Variants in RAD51B observed in about 807,000 individuals in gnomAD.
RAD51B encodes the protein RAD51 paralog B, also known as DNA repair protein RAD51 homolog 2.
RAD51B carries 38 observed loss-of-function variants against 42.2 expected under a neutral mutation model. The ratio of observed to expected loss-of-function variants is 0.90; its 90% CI spans 0.70 to 1.18. RAD51B has a LOEUF of 1.18. Among genes scored for constraint, RAD51B ranks in the 50% most tolerant of loss-of-function variants. The pLI, the probability that RAD51B is intolerant of heterozygous loss-of-function variation, is 0.00. For missense variants in RAD51B, 373 were observed against 400.7 expected, an observed-to-expected ratio of 0.93 and a Z score of 0.59; for synonymous variants, 154 against 145.2, an observed-to-expected ratio of 1.06 and a Z score of -0.43.
chr14:67,849,744 A>T (rs2041741620), intron 4 of RAD51B, among the ~76,000 whole-genome samples: 4 of 152,132 alleles, frequency 2.6e-5, no homozygotes, highest in Admixed American at 2.6e-4. Context: ...TTCCTTTTTA[A>T]GATGTTTATC....
chr14:67,977,392 T>C (rs1162773767), intron 7 of RAD51B, among the ~76,000 whole-genome samples: 4 of 152,230 alleles, frequency 2.6e-5, no homozygotes, highest in African/African-American at 9.6e-5. Context: ...TGAAGAAACA[T>C]TGCTGTATGA....
chr14:68,007,929 T>C (rs1371855584), intron 7 of RAD51B, among the ~76,000 whole-genome samples: 1 of 151,966 alleles, frequency 6.6e-6, no homozygotes, highest in Non-Finnish European at 1.5e-5. Flanking sequence ...CAAATTACAT[T>C]ACTGAAATAA....
At chr14:67,957,570 T>A (rs1410923684) in intron 7 of RAD51B, among the ~76,000 whole-genome samples, 1 of 152,170 alleles carries the variant, frequency 6.6e-6, no homozygotes, top group African/African-American at 2.4e-5. Flanking sequence ...GAGGAAGTTT[T>A]AGAGAAATAA....
intron 10 of RAD51B, among the ~76,000 whole-genome samples, chr14:68,504,680 T>TTTTTTTTTTTTTTTTTTTTC (rs58954673): frequency 7.4e-6 from 1 of 135,282 alleles, no homozygotes; most frequent in African/African-American, 2.7e-5. Flanking sequence ...TTTTTTTTTT[T>TTTTTTTTTTTTTTTTTTTTC]TTTTTTTGCT....
chr14:68,492,427 C>T (rs1884151336), intron 10 of RAD51B, among the ~76,000 whole-genome samples: 1 of 152,070 alleles, frequency 6.6e-6, no homozygotes, highest in Non-Finnish European at 1.5e-5. Flanking sequence ...TATTAATGAC[C>T]TGCAATAAAT....
intron 10 of RAD51B, among the ~76,000 whole-genome samples, chr14:68,501,721 G>A (rs557735147): frequency 7.9e-5 from 12 of 152,386 alleles, no homozygotes; most frequent in Admixed American, 5.9e-4. Context: ...CAGCTGGCCC[G>A]GTGCCCACTT....
intron 9 of RAD51B, among the ~76,000 whole-genome samples, chr14:68,417,441 A>T (rs1426986153): frequency 6.6e-6 from 1 of 152,232 alleles, no homozygotes; most frequent in Non-Finnish European, 1.5e-5. Context: ...AGAGCTGCTC[A>T]AGTGTGAAAT....
chr14:67,941,213 G>A (rs1452770816), intron 7 of RAD51B, among the ~76,000 whole-genome samples: 1 of 152,110 alleles, frequency 6.6e-6, no homozygotes, highest in African/African-American at 2.4e-5. Flanking sequence ...AAAATAACAC[G>A]GAGTTATGAT....
intron 10 of RAD51B, among the ~76,000 whole-genome samples, chr14:68,648,090 TGTGTATATATATATACACACAC>T (rs200583110): frequency 0.085 from 3,863 of 45,364 alleles, 330 homozygotes; most frequent in South Asian, 0.19. Flanking sequence ...TATATACGTG[TGTGTATATATATATACACACAC>T]GTATATATAT....
rs1356502036 is a variant in RAD51B at position 68,137,324 on chromosome 14, G to A, written c.757-154560G>A. On this transcript the variant is annotated intron_variant, in intron 7 of 10. Coordinates refer to ENST00000471583, the MANE Select transcript of RAD51B (RefSeq NM_133510.4). ...GCTGTGTGTAACTTTGGGGAAGGCT[G>A]CTACATTAGTTTCAGTTTCCTATTG... Among the ~76,000 whole-genome samples the A allele has an allele frequency of 2.0e-5, 3 of 152,114 alleles. No individual in the cohort carries two copies. The East Asian group carries it at 5.8e-4, about 29-fold the overall frequency.
chr14:68,532,096 C>A (rs1224772344), intron 10 of RAD51B, among the ~76,000 whole-genome samples: 1 of 152,148 alleles, frequency 6.6e-6, no homozygotes, highest in African/African-American at 2.4e-5. Context: ...AAGGTCTCAA[C>A]AAATTTGTAA....
Position 68,354,363 on chromosome 14 carries a change from C to T in RAD51B, c.854-57061C>T, listed in dbSNP as rs539256626. Among the ~76,000 whole-genome samples, 9 of 152,010 alleles carry T rather than the reference C, an allele frequency of 5.9e-5. No individual in the cohort carries two copies. In the East Asian group the frequency reaches 9.7e-4, roughly 16 times the overall value. On this transcript the variant is annotated intron_variant, in intron 8 of 10. Transcript: ENST00000471583. Reference sequence around the variant, plus strand: ...TCCAGAGTAGCTGGGACTACAGGCACACACCACCACGCCCAGCTAATTTTT... The same window carrying T: ...TCCAGAGTAGCTGGGACTACAGGCATACACCACCACGCCCAGCTAATTTTT...
chr14:68,050,953 C>T (rs1382880757), intron 7 of RAD51B, among the ~76,000 whole-genome samples: 2 of 150,856 alleles, frequency 1.3e-5, no homozygotes, highest in Non-Finnish European at 3.0e-5. Context: ...TATCCAACTC[C>T]AGGAGAAATA....
intron 7 of RAD51B, among the ~76,000 whole-genome samples, chr14:68,259,216 A>G (rs368356902): frequency 2.0e-5 from 3 of 147,644 alleles, no homozygotes; most frequent in East Asian, 2.1e-4. Flanking sequence ...AAAGCAAGGG[A>G]GGATGATTTA....
intron 7 of RAD51B, among the ~76,000 whole-genome samples, chr14:68,260,298 C>CGTGTGTGTGTGTGTGTGTGGGT (rs1555383058): frequency 1.0e-5 from 1 of 96,620 alleles, no homozygotes; most frequent in Non-Finnish European, 2.0e-5. Context: ...GCTGAGAGAC[C>CGTGTGTGTGTGTGTGTGTGGGT]GTGTGTGTGT....
intron 7 of RAD51B, among the ~76,000 whole-genome samples, chr14:68,276,988 A>G (rs1190388407): frequency 1.3e-5 from 2 of 152,224 alleles, no homozygotes; most frequent in African/African-American, 4.8e-5. Context: ...TACAAAGCTT[A>G]TGGAGTACTC....
At chr14:68,376,219 C>T (rs912519782) in intron 8 of RAD51B, among the ~76,000 whole-genome samples, 28 of 152,264 alleles carry the variant, frequency 1.8e-4, no homozygotes, top group Middle Eastern at 3.4e-3. Flanking sequence ...CATGCAGAGC[C>T]ACTTCAAACA....
chr14:67,948,745 C>T (rs892931494), intron 7 of RAD51B, among the ~76,000 whole-genome samples: 4 of 151,626 alleles, frequency 2.6e-5, no homozygotes, highest in Non-Finnish European at 4.4e-5. Flanking sequence ...TCCTGGCTAA[C>T]ATGGTGAAAC....
intron 9 of RAD51B, among the ~76,000 whole-genome samples, chr14:68,458,035 GTAGT>G (rs748457275): frequency 9.2e-4 from 138 of 150,746 alleles, no homozygotes; most frequent in Non-Finnish European, 1.7e-3. Flanking sequence ...GCATGCTAAA[GTAGT>G]TAGAGAAAAG....
Sources: allele counts gnomAD v4.1 joint callset (sites outside exome capture counted in the v4.1 genomes callset), GRCh38; gene constraint gnomAD v4.1.1; transcripts MANE v1.5; gene names NCBI Gene and HGNC (gene_info 2026-07-23, HGNC 2026-07-21).